DIAPH2: variants seen among roughly 807,000 people sequenced by gnomAD.
DIAPH2 encodes protein diaphanous homolog 2.
A neutral mutation model predicts 92.7 loss-of-function variants in DIAPH2; 35 were observed. The ratio of observed to expected loss-of-function variants is 0.38; its 90% CI spans 0.29 to 0.50. DIAPH2 has a LOEUF of 0.50. Among genes scored for constraint, DIAPH2 ranks in the 20% least tolerant of loss-of-function variants. The probability of loss-of-function intolerance (pLI) is 0.94; values close to 1 mark genes in which losing one functional copy is unlikely to be tolerated. For synonymous variants in DIAPH2, 301 were observed against 280.4 expected, an observed-to-expected ratio of 1.07 and a Z score of -0.73; for missense variants, 701 against 819.5, an observed-to-expected ratio of 0.86 and a Z score of 1.77.
chrX:97,434,200 C>G (rs2070156677), intron 26 of DIAPH2, among the ~76,000 whole-genome samples: 1 of 111,169 alleles, frequency 9.0e-6, no homozygotes, highest in South Asian at 3.8e-4. Context: ...TTACAATTCT[C>G]TAAGCAATGG....
chrX:97,425,826 A>ATATG (rs1954157327), intron 25 of DIAPH2, among the ~76,000 whole-genome samples: 1 of 103,587 alleles, frequency 9.7e-6, no homozygotes, highest in African/African-American at 3.5e-5. Flanking sequence ...GTGTATGTAT[A>ATATG]TGTGTGTGTG....
At chrX:96,888,029 T>C (rs1480806656) in intron 5 of DIAPH2, among the ~76,000 whole-genome samples, 1 of 109,304 alleles carries the variant, frequency 9.1e-6, no homozygotes, top group African/African-American at 3.3e-5. Flanking sequence ...ATGCGTAGAT[T>C]TACGTTTTCA....
At chrX:96,798,744 C>T (rs1307200611) in intron 4 of DIAPH2, among the ~76,000 whole-genome samples, 1 of 111,776 alleles carries the variant, frequency 8.9e-6, no homozygotes, top group Non-Finnish European at 1.9e-5. Flanking sequence ...ACATGCAAAT[C>T]AACTTGATCA....
chrX:97,153,295 A>C (rs2067298545), intron 22 of DIAPH2, among the ~76,000 whole-genome samples: 1 of 111,719 alleles, frequency 9.0e-6, no homozygotes, highest in Non-Finnish European at 1.9e-5. Context: ...TAAAAAATGA[A>C]GGTCAGACCA....
intron 25 of DIAPH2, among the ~76,000 whole-genome samples, chrX:97,387,491 A>T (rs756327322): frequency 8.9e-6 from 1 of 112,257 alleles, no homozygotes; most frequent in African/African-American, 3.2e-5. Flanking sequence ...TTACAGTTCA[A>T]GTCTGAAAAC....
chrX:97,147,295 T>A (rs1014983169), intron 22 of DIAPH2, among the ~76,000 whole-genome samples: 1 of 98,713 alleles, frequency 1.0e-5, no homozygotes, highest in Non-Finnish European at 2.1e-5. Flanking sequence ...TACAGAGACT[T>A]TGATGCCTTT....
intron 26 of DIAPH2, among the ~76,000 whole-genome samples, chrX:97,482,015 A>C (rs184246346): frequency 3.7e-4 from 41 of 112,275 alleles, no homozygotes; most frequent in African/African-American, 1.3e-3. Context: ...AGTAATATTT[A>C]TAAATATAAC....
chrX:97,378,581 C>T (rs972971626), intron 24 of DIAPH2, among the ~76,000 whole-genome samples: 1 of 111,618 alleles, frequency 9.0e-6, no homozygotes, highest in South Asian at 3.8e-4. Flanking sequence ...CATGGCAGCT[C>T]ACACCTGTAG....
chrX:97,311,070 C>A (rs1324105755), intron 23 of DIAPH2, among the ~76,000 whole-genome samples: 1 of 111,419 alleles, frequency 9.0e-6, no homozygotes, highest in African/African-American at 3.3e-5. Flanking sequence ...AGGACCTGAG[C>A]TATTATTTAA....
At chrX:96,925,719 G>A (rs1336861898) in intron 9 of DIAPH2, among the ~76,000 whole-genome samples, 1 of 111,850 alleles carries the variant, frequency 8.9e-6, no homozygotes, top group Admixed American at 9.5e-5. Flanking sequence ...TTGCAGTCTA[G>A]TCCTAGCCCA....
chrX:97,149,535 T>C (rs1207841541), intron 22 of DIAPH2, among the ~76,000 whole-genome samples: 3 of 108,944 alleles, frequency 2.8e-5, no homozygotes, highest in African/African-American at 1.0e-4. Context: ...ATCGAGACCA[T>C]CCTGGCTAAC....
intron 4 of DIAPH2, among the ~76,000 whole-genome samples, chrX:96,837,895 C>T (rs1387920568): frequency 9.0e-6 from 1 of 111,396 alleles, no homozygotes; most frequent in Non-Finnish European, 1.9e-5. Flanking sequence ...GGCACCATGC[C>T]GCTACTCTTA....
chrX:96,866,088 AG>A (rs893668018), intron 4 of DIAPH2, among the ~76,000 whole-genome samples: 6 of 111,664 alleles, frequency 5.4e-5, no homozygotes, highest in African/African-American at 2.0e-4. Flanking sequence ...GGAGTCAATC[AG>A]TTGTAATGTG....
Position 97,324,517 on chromosome X carries a change from G to A in DIAPH2, c.2845-23599G>A, listed in dbSNP as rs190164870. 5.4e-5 allele frequency among the ~76,000 whole-genome samples: 6 copies of A among 111,824 alleles called. No individual in the cohort carries two copies. The East Asian group carries it at 1.1e-3, about 21-fold the overall frequency. ...AGAATTTTTGCTTTTCATCTCATGC[G>A]TTTTTGTTTTTAATGACGGCATCTC... On this transcript the variant is annotated intron_variant, in intron 23 of 26. Coordinates refer to ENST00000324765, the MANE Select transcript of DIAPH2 (RefSeq NM_006729.5).
intron 4 of DIAPH2, among the ~76,000 whole-genome samples, chrX:96,761,785 G>A (rs1432950253): frequency 2.7e-5 from 3 of 110,534 alleles, no homozygotes; most frequent in African/African-American, 9.8e-5. Flanking sequence ...GGACAAATAC[G>A]ACCTCTGTCT....
intron 22 of DIAPH2, among the ~76,000 whole-genome samples, chrX:97,156,666 C>A (rs1339506440): frequency 9.0e-6 from 1 of 111,375 alleles, no homozygotes; most frequent in East Asian, 2.8e-4. Context: ...TGCATTGTGA[C>A]ATAAGTAGTG....
chrX:96,899,442 C>A (rs2065375535), intron 5 of DIAPH2, among the ~76,000 whole-genome samples: 2 of 110,919 alleles, frequency 1.8e-5, no homozygotes, highest in African/African-American at 6.6e-5. Flanking sequence ...AGGTCCTTCA[C>A]ATCCCTTGTA....
chrX:97,459,638 A>T (rs1204355017), intron 26 of DIAPH2, among the ~76,000 whole-genome samples: 1 of 112,230 alleles, frequency 8.9e-6, no homozygotes, highest in Non-Finnish European at 1.9e-5. Context: ...GGTTATGTAT[A>T]TTCTGCAGTT....
intron 4 of DIAPH2, among the ~76,000 whole-genome samples, chrX:96,831,324 A>G (rs990601480): frequency 8.9e-6 from 1 of 111,809 alleles, no homozygotes; most frequent in East Asian, 2.8e-4. Flanking sequence ...ATTGTCTTCT[A>G]TGTTTACGTA....
Sources: allele counts gnomAD v4.1 joint callset (sites outside exome capture counted in the v4.1 genomes callset), GRCh38; gene constraint gnomAD v4.1.1; transcripts MANE v1.5; gene names NCBI Gene and HGNC (gene_info 2026-07-23, HGNC 2026-07-21).